The following SUN2 variants were observed in gnomAD, a reference collection of about 807,000 sequenced individuals.
SUN2 encodes the protein SUN domain-containing protein 2.
Under a neutral mutation model 100.0 loss-of-function variants are expected in SUN2, and 60 were observed. The ratio of observed to expected loss-of-function variants is 0.60; its 90% CI spans 0.49 to 0.74. The LOEUF (loss-of-function observed/expected upper bound fraction) is 0.74, where lower values mean the gene tolerates loss of function less well. SUN2 is among the 30% of genes least tolerant of loss of function. SUN2 has a pLI of 0.00. For missense variants in SUN2, 834 were observed against 954.6 expected, an observed-to-expected ratio of 0.87 and a Z score of 1.66; for synonymous variants, 367 against 403.3, an observed-to-expected ratio of 0.91 and a Z score of 1.08.
intron 4 of SUN2, 135 bp downstream of exon 4, chr22:38,750,763 C>A: frequency 7.1e-7 from 1 of 1,408,790 alleles, no homozygotes; most frequent in South Asian, 1.4e-5. Flanking sequence ...GGGGCGCACC[C>A]AGGGCCGGGC....
chr22:38,736,213 G>A lies in SUN2; in HGVS notation c.*54C>T, dbSNP rs769852557. The stretch of plus-strand genomic sequence containing the variant: ...CGAGCAAGCGTGTGGGGGAAGCGGC[G>A]GGGTGCTGTTCACCCACTCCCAGAT... On this transcript the variant is annotated 3_prime_UTR_variant, in exon 18 of 18. Coordinates refer to ENST00000689035, the MANE Select transcript of SUN2 (RefSeq NM_015374.3). 10 of 1,505,464 alleles carry A rather than the reference G, an allele frequency of 6.6e-6. No homozygotes were observed. Among genetic ancestry groups the A allele is most frequent in the East Asian group, 2.3e-5 (1 of 44,114 alleles). 93.3% of individuals were successfully genotyped at this position (1,505,464 alleles called of 1,614,324 possible).
chr22:38,739,643 C>A lies in SUN2; in HGVS notation c.1578+79G>T. On this transcript the variant is annotated intron_variant, in intron 13 of 17. Coordinates refer to ENST00000689035, the MANE Select transcript of SUN2 (RefSeq NM_015374.3). The surrounding 1 kb of genome is among the most constrained non-coding windows in gnomAD (Gnocchi z 6.7). ...TTCCATCCTGGAACCTGCCAGGGAGCTGGCAGTGTGGGACTGTCCAGGGCT... is the reference window on the plus strand; with the variant it reads ...TTCCATCCTGGAACCTGCCAGGGAGATGGCAGTGTGGGACTGTCCAGGGCT... The A allele has an allele frequency of 6.6e-7, 1 of 1,515,218 alleles. No homozygotes were observed. Among genetic ancestry groups the A allele is most frequent in the South Asian group, 1.2e-5 (1 of 82,938 alleles). 93.9% of individuals were successfully genotyped at this position (1,515,218 alleles called of 1,614,324 possible). A position where few individuals can be genotyped will look rare whatever the true frequency, so the allele number is the denominator to read the frequency against.
At chr22:38,748,168 G>T (rs889352405) in intron 7 of SUN2, among the ~76,000 whole-genome samples, 1 of 152,144 alleles carries the variant, frequency 6.6e-6, no homozygotes, top group African/African-American at 2.4e-5. Flanking sequence ...TACAAAATTA[G>T]CTGGGCATGT....
intron 8 of SUN2, chr22:38,745,248 T>C (rs968038151): frequency 1.1e-4 from 50 of 466,298 alleles, no homozygotes; most frequent in Non-Finnish European, 2.0e-4. Context: ...GGCCCCCAGC[T>C]GACCCCCCCA....
In SUN2 at chr22:38,749,836, A is replaced by G. The variant is rs768058646; in HGVS notation, c.544T>C (p.Trp182Arg). ...CGGTACCAGGTGGTGCCAGCCCACC[A>G]GTAGAGAAGTCTGAAGAGCCGGCCT... is the stretch of plus-strand genomic sequence containing the variant. ...SPGRLFRLLY[W>R]WAGTTWYRLT... Residue 182 changes from tryptophan (W) to arginine (R), a missense_variant, in exon 6 of 18, where the codon TGG becomes CGG. Coordinates refer to ENST00000689035, the MANE Select transcript of SUN2 (RefSeq NM_015374.3). 19 of 1,613,742 alleles carry G rather than the reference A, an allele frequency of 1.2e-5. No homozygotes were observed. The highest frequency in any genetic ancestry group is 4.4e-5 in the South Asian group (4 of 91,056).
At position 38,738,030 on chromosome 22, in the gene SUN2, G is replaced by T; in HGVS notation, c.2040+143C>A. 2 of 782,394 alleles carry T rather than the reference G, an allele frequency of 2.6e-6. No individual in the cohort carries two copies. The highest frequency in any genetic ancestry group is 1.4e-5 in the South Asian group (1 of 69,956). 48.5% of individuals were successfully genotyped at this position (782,394 alleles called of 1,614,324 possible). Reference sequence around the variant, plus strand: ...GCAGGATGCGTGTTACACCCCATTTGGATATCACATCTTGAGCTGTGGGAA... The same window carrying T: ...GCAGGATGCGTGTTACACCCCATTTTGATATCACATCTTGAGCTGTGGGAA... On this transcript the variant is annotated intron_variant, in intron 17 of 17. Coordinates refer to ENST00000689035, the MANE Select transcript of SUN2 (RefSeq NM_015374.3). The surrounding 1 kb of genome is among the most constrained non-coding windows in gnomAD (Gnocchi z 6.6).
At chr22:38,748,461 T>C (rs1450839767) in intron 7 of SUN2, among the ~76,000 whole-genome samples, 1 of 152,230 alleles carries the variant, frequency 6.6e-6, no homozygotes, top group Non-Finnish European at 1.5e-5. Context: ...TGACTGCTAA[T>C]GATAATGGGA....
In SUN2 at chr22:38,736,477, T is replaced by G. The variant is rs1231921947; in HGVS notation, c.2041-97A>C. ...GGAGACAGCCTCGCCTAGGGCCAGA[T>G]GGCTCCCCTGCTCCTTCCCTGGGGC... On this transcript the variant is annotated intron_variant, in intron 17 of 17. Coordinates refer to ENST00000689035, the MANE Select transcript of SUN2 (RefSeq NM_015374.3). 3 of 945,472 alleles carry G rather than the reference T, an allele frequency of 3.2e-6. No individual in the cohort carries two copies. In the African/African-American group the frequency reaches 5.0e-5, roughly 16 times the overall value. The allele number at this position is 945,472 out of a possible 1,614,324, so 58.6% of individuals were successfully genotyped here. A position where few individuals can be genotyped will look rare whatever the true frequency, so the allele number is the denominator to read the frequency against.
At position 38,755,003 on chromosome 22, in the gene SUN2, A is replaced by AC. The variant is rs2092974988; in HGVS notation, c.-38+759dup. The AC allele has an allele frequency of 7.9e-7, 1 of 1,265,734 alleles. No homozygotes were observed. Among genetic ancestry groups the AC allele is most frequent in the African/African-American group, 1.5e-5 (1 of 65,144 alleles). 78.4% of individuals were successfully genotyped at this position (1,265,734 alleles called of 1,614,324 possible). Reference sequence around the variant, plus strand: ...TCTACTACTGCGAATCATAATAGACACCACCCCCGCCCCACCTCCTCCCTA... The same window carrying AC: ...TCTACTACTGCGAATCATAATAGACACCCACCCCCGCCCCACCTCCTCCCTA... On this transcript the variant is annotated intron_variant, in intron 1 of 17. Coordinates refer to ENST00000689035, the MANE Select transcript of SUN2 (RefSeq NM_015374.3). This position sits in a 1 kb window ranked among gnomAD's most constrained non-coding sequence, Gnocchi z 5.7.
rs1299892456 is a variant in SUN2 at position 38,737,263 on chromosome 22, G to A, written c.2041-883C>T. Among the ~76,000 whole-genome samples, 2 of 152,056 alleles carry A rather than the reference G, an allele frequency of 1.3e-5. No individual in the cohort carries two copies. The highest frequency in any genetic ancestry group is 4.8e-5 in the African/African-American group (2 of 41,444). On this transcript the variant is annotated intron_variant, in intron 17 of 17. Coordinates refer to ENST00000689035, the MANE Select transcript of SUN2 (RefSeq NM_015374.3). This position sits in a 1 kb window ranked among gnomAD's most constrained non-coding sequence, Gnocchi z 4.1. ...GACAGCTCCACTGGACTGTTCCATA[G>A]GTGCCTCAGACTCAGCCAGACCTGC...
At position 38,751,029 on chromosome 22, in the gene SUN2, T is replaced by C. The variant is rs752554886; in HGVS notation, c.293A>G (p.Asp98Gly). The C allele has an allele frequency of 6.2e-7, 1 of 1,612,964 alleles. No homozygotes were observed. The highest frequency in any genetic ancestry group is 1.1e-5 in the South Asian group (1 of 90,986). ...ELHGDANWGE[D>G]LRVRRRRGTG... ...GCCTCTCCTCCTCCGCACCCGCAGG[T>C]CCTCACCTGTGCAGGGAAGAACCAG... The change falls in exon 4 of 18, where the codon GAC becomes GGC. Residue 98 changes from aspartate to glycine, a missense_variant. Physicochemically the swap from Asp to Gly is moderately conservative, Grantham distance 94 (BLOSUM62 -1). Coordinates refer to ENST00000689035, the MANE Select transcript of SUN2 (RefSeq NM_015374.3).
intron 2 of SUN2, 126 bp from the exon 3 acceptor site, chr22:38,751,499 T>A: frequency 1.0e-6 from 1 of 963,270 alleles, no homozygotes; most frequent in Non-Finnish European, 1.5e-6. Flanking sequence ...GCTAGGCAAC[T>A]CGCAGCTGCC....
Position 38,739,508 on chromosome 22 carries a change from C to T in SUN2, c.1579-82G>A. ...ACCTCGTGGCCGTGGGCCAAGGACCCATGGGCTGACCCCTTCTAGGCTTGC... is the reference window on the plus strand; with the variant it reads ...ACCTCGTGGCCGTGGGCCAAGGACCTATGGGCTGACCCCTTCTAGGCTTGC... On this transcript the variant is annotated intron_variant, in intron 13 of 17. Coordinates refer to ENST00000689035, the MANE Select transcript of SUN2 (RefSeq NM_015374.3). This position sits in a 1 kb window ranked among gnomAD's most constrained non-coding sequence, Gnocchi z 6.7. 2 of 1,501,882 alleles carry T rather than the reference C, an allele frequency of 1.3e-6. No individual in the cohort carries two copies. Among genetic ancestry groups the T allele is most frequent in the Non-Finnish European group, 1.8e-6 (2 of 1,090,756 alleles). The allele number at this position is 1,501,882 out of a possible 1,614,324, so 93.0% of individuals were successfully genotyped here. A position where few individuals can be genotyped will look rare whatever the true frequency, so the allele number is the denominator to read the frequency against.
chr22:38,753,210 C>CTTTTTTTTTT (rs869037443), intron 1 of SUN2, among the ~76,000 whole-genome samples: 15 of 86,260 alleles, frequency 1.7e-4, no homozygotes, highest in African/African-American at 6.7e-4. Context: ...CACCTATGTT[C>CTTTTTTTTTT]TTTTTTTTTT....
intron 1 of SUN2, 108 bp from the exon 2 acceptor site, chr22:38,752,773 C>CCCCCCGGCCCCCGG: frequency 7.8e-7 from 1 of 1,280,828 alleles, no homozygotes; most frequent in African/African-American, 1.5e-5. Context: ...AACAGACCAC[C>CCCCCCGGCCCCCGG]CCCCCGGCCC....
chr22:38,740,368 C>A lies in SUN2; in HGVS notation c.1255G>T (p.Ala419Ser). The A allele has an allele frequency of 6.3e-7, 1 of 1,577,594 alleles. No individual in the cohort carries two copies. Among genetic ancestry groups the A allele is most frequent in the South Asian group, 1.2e-5 (1 of 86,486 alleles). The change falls in exon 12 of 18, where the codon GCC becomes TCC. Residue 419 changes from alanine to serine, a missense_variant. This residue lies in a region of SUN2 where 559 missense variants were observed against 597.7 expected (regional missense o/e 0.94). Coordinates refer to ENST00000689035, the MANE Select transcript of SUN2 (RefSeq NM_015374.3). The surrounding 1 kb of genome is among the most constrained non-coding windows in gnomAD (Gnocchi z 4.8). Reference protein sequence around the residue: ...KELRRLEDQLAGLQQELAALA... With the variant: ...KELRRLEDQLSGLQQELAALA... ...GCCGCCAGCTCCTGCTGCAGGCCGG[C>A]CAGCTGGTCCTCCAGCCGCCTCAGC...
In SUN2 at chr22:38,746,145, G is replaced by A. The variant is rs186253651; in HGVS notation, c.686-334C>T. ...TGGTGGTTCTCAGCCCTGTCTGGTC[G>A]TCAGAATCACCTGGGGAGATTTTAG... On this transcript the variant is annotated intron_variant, in intron 7 of 17. Coordinates refer to ENST00000689035, the MANE Select transcript of SUN2 (RefSeq NM_015374.3). Among the ~76,000 whole-genome samples the A allele has an allele frequency of 4.5e-3, 693 of 152,310 alleles. 2 individuals are homozygous for A. Among genetic ancestry groups the A allele is most frequent in the Non-Finnish European group, 6.6e-3 (452 of 68,024 alleles).
chr22:38,755,444 CACAAAA>C lies in SUN2; in HGVS notation c.-38+313_-38+318del. ...CTGTCCCTGGAAACGGCCTGTCTGG[CACAAAA>C]CCCGTAGGCGCTGCCCGGGGCCGGG... On this transcript the variant is annotated intron_variant, in intron 1 of 17. Transcript: ENST00000689035. This position sits in a 1 kb window ranked among gnomAD's most constrained non-coding sequence, Gnocchi z 5.7. 3 of 993,352 alleles carry C rather than the reference CACAAAA, an allele frequency of 3.0e-6. No homozygotes were observed. The East Asian group carries it at 3.3e-4, about 109-fold the overall frequency. The allele number at this position is 993,352 out of a possible 1,614,324, so 61.5% of individuals were successfully genotyped here.
rs1184163969 is a variant in SUN2 at position 38,748,945 on chromosome 22, AC to A, written c.615-163del. ...TCACTGTGCCAGGGCCAGCCTGGAC[AC>A]GTCAGAGCCTTTCCTGCTGGGCAGG... On this transcript the variant is annotated intron_variant, in intron 6 of 17. Coordinates refer to ENST00000689035, the MANE Select transcript of SUN2 (RefSeq NM_015374.3). 7.5e-6 allele frequency: 5 copies of A among 663,924 alleles called. No individual in the cohort carries two copies. The Admixed American group carries it at 1.1e-4, about 14-fold the overall frequency. The allele number at this position is 663,924 out of a possible 1,614,324, so 41.1% of individuals were successfully genotyped here. A position where few individuals can be genotyped will look rare whatever the true frequency, so the allele number is the denominator to read the frequency against.
Sources: allele counts gnomAD v4.1 joint callset (sites outside exome capture counted in the v4.1 genomes callset), GRCh38; gene constraint gnomAD v4.1.1; regional missense constraint gnomAD v4.1.1; non-coding constraint Gnocchi (gnomAD v3.1); transcripts MANE v1.5; gene names NCBI Gene and HGNC (gene_info 2026-07-23, HGNC 2026-07-21).